Variants in HYDIN observed in about 807,000 individuals in gnomAD.
The protein encoded by HYDIN is axonemal central pair apparatus protein HYDIN.
HYDIN carries 132 observed loss-of-function variants against 403.9 expected under a neutral mutation model. That is an observed-to-expected ratio of 0.33 (90% confidence interval 0.28 to 0.38). HYDIN has a LOEUF of 0.38. Ranked by LOEUF, HYDIN falls within the 10% of genes least tolerant of loss-of-function variation. HYDIN has a pLI of 1.00. For synonymous variants in HYDIN, 1,202 were observed against 1,891.7 expected (o/e 0.64, Z 9.46); for missense variants, 2,827 against 5,009.5 (o/e 0.56, Z 13.15).
At chr16:71,074,792 C>T (rs1395033093) in intron 13 of HYDIN, among the ~76,000 whole-genome samples, 1 of 150,152 alleles carries the variant, frequency 6.7e-6, no homozygotes, top group Admixed American at 6.6e-5. Context: ...TGTGAAAAGT[C>T]TATTTGATGA....
At chr16:71,023,987 A>G (rs966826694) in intron 21 of HYDIN, among the ~76,000 whole-genome samples, 1 of 152,242 alleles carries the variant, frequency 6.6e-6, no homozygotes, top group Non-Finnish European at 1.5e-5. Flanking sequence ...TGGGGCAGTG[A>G]CTTACTTAAT....
chr16:70,939,267 C>G (rs1467198818), intron 43 of HYDIN, among the ~76,000 whole-genome samples: 1 of 152,046 alleles, frequency 6.6e-6, no homozygotes, highest in Non-Finnish European at 1.5e-5. Context: ...AGGAACGTGG[C>G]CCTGCTGAGA....
intron 7 of HYDIN, among the ~76,000 whole-genome samples, chr16:71,149,591 A>G (rs544695808): frequency 2.1e-3 from 315 of 151,996 alleles, no homozygotes; most frequent in African/African-American, 7.3e-3. Flanking sequence ...CAGTAGTGCA[A>G]TCTCTGCTCA....
rs76897529 is a variant in HYDIN, at chr16:70,940,868, G to A, written c.6853+768C>T. On this transcript the variant is annotated intron_variant, in intron 43 of 85. Coordinates refer to ENST00000393567, the MANE Select transcript of HYDIN (RefSeq NM_001270974.2). ...AGTGAGGAAGGGCAGTCGTGTGGCT[G>A]GAGCCGAAGCTCCTGGGAGGTGGGG... Among the ~76,000 whole-genome samples, 6 of 152,236 alleles carry A rather than the reference G, an allele frequency of 3.9e-5. No homozygotes were observed. In the East Asian group the frequency reaches 1.2e-3, roughly 29 times the overall value.
At chr16:70,943,039 G>A (rs1476996834) in intron 42 of HYDIN, among the ~76,000 whole-genome samples, 2 of 152,142 alleles carry the variant, frequency 1.3e-5, no homozygotes, top group Admixed American at 6.5e-5. Context: ...AGTTAATTTT[G>A]TTGTATTTAA....
chr16:70,946,636 G>C (rs1394574296), intron 41 of HYDIN, among the ~76,000 whole-genome samples: 2 of 152,162 alleles, frequency 1.3e-5, no homozygotes, highest in Admixed American at 6.5e-5. Flanking sequence ...TGGGTGCTAG[G>C]TAGTGAGGAT....
At chr16:70,954,853 G>A (rs544633684) in intron 40 of HYDIN, among the ~76,000 whole-genome samples, 1 of 152,282 alleles carries the variant, frequency 6.6e-6, no homozygotes, top group Admixed American at 6.5e-5. Context: ...GGTGAACAAT[G>A]ATTGGCCTCA....
chr16:70,966,695 A>T (rs1798357), intron 36 of HYDIN, among the ~76,000 whole-genome samples: 137,346 of 149,320 alleles, frequency 0.92, 63,358 homozygotes, highest in African/African-American at 0.98. Context: ...AAGCCAAGAA[A>T]ATTGTATCTG....
chr16:70,982,346 C>T (rs929455933), intron 28 of HYDIN, among the ~76,000 whole-genome samples: 1 of 151,198 alleles, frequency 6.6e-6, no homozygotes, highest in South Asian at 2.1e-4. Context: ...ATTACCCTGA[C>T]AAAGGAATAT....
chr16:70,872,817 G>T (rs11075801), intron 64 of HYDIN, among the ~76,000 whole-genome samples: 28,238 of 137,946 alleles, frequency 0.2, 5,506 homozygotes, highest in African/African-American at 0.54. Context: ...CATCCATGCA[G>T]CCATCCATCC....
At chr16:71,085,941 T>C (rs2082919358) in intron 12 of HYDIN, among the ~76,000 whole-genome samples, 1 of 152,020 alleles carries the variant, frequency 6.6e-6, no homozygotes, top group Non-Finnish European at 1.5e-5. Context: ...GGTTGTTTGT[T>C]TTGTTCTAAT....
chr16:71,134,645 A>T (rs1388450967), intron 8 of HYDIN, among the ~76,000 whole-genome samples: 1 of 151,992 alleles, frequency 6.6e-6, no homozygotes, highest in Non-Finnish European at 1.5e-5. Flanking sequence ...AGGGGCCTAC[A>T]CTCACAGAAA....
rs2080765931 is a variant in HYDIN at position 71,027,813 on chromosome 16, A to T, written c.2831T>A (p.Phe944Tyr). 2.2e-6 allele frequency: 2 copies of T among 916,456 alleles called. No individual in the cohort carries two copies. The highest frequency in any genetic ancestry group is 3.3e-6 in the Non-Finnish European group (2 of 602,622). The allele number at this position is 916,456 out of a possible 1,614,324, so 56.8% of individuals were successfully genotyped here. The change falls in exon 20 of 86, where the codon TTC (phenylalanine) becomes TAC (tyrosine). Residue 944 changes from phenylalanine (F) to tyrosine (Y), a missense_variant. Physicochemically the swap from Phe to Tyr is conservative, Grantham distance 22. Coordinates refer to ENST00000393567, the MANE Select transcript of HYDIN (RefSeq NM_001270974.2). Reference protein sequence around the residue: ...INKGRRIQQLFWMNDSFRPQA... With the variant: ...INKGRRIQQLYWMNDSFRPQA... ...GGGTCGGAAGCTATCATTCATCCAG[A>T]ACAACTGTTGGATCCGACGTCCCTT...
chr16:70,889,521 G>C, intron 58 of HYDIN, 66 bp downstream of exon 58: 1 of 395,690 alleles, frequency 2.5e-6, no homozygotes, highest in Non-Finnish European at 4.2e-6. Context: ...GAGGTATTTG[G>C]TGTCAAGAGC....
chr16:70,976,388 G>A (rs2078888793), intron 30 of HYDIN, among the ~76,000 whole-genome samples: 1 of 151,720 alleles, frequency 6.6e-6, no homozygotes, highest in Non-Finnish European at 1.5e-5. Context: ...GGGTTGGAGG[G>A]AGATTTTGTT....
intron 57 of HYDIN, among the ~76,000 whole-genome samples, chr16:70,890,802 T>C (rs895690752): frequency 5.3e-5 from 8 of 152,172 alleles, no homozygotes; most frequent in African/African-American, 1.9e-4. Context: ...TTTGTGACGG[T>C]GTCTTCATGG....
chr16:71,063,708 C>A (rs976220676), intron 16 of HYDIN, among the ~76,000 whole-genome samples: 1 of 152,162 alleles, frequency 6.6e-6, no homozygotes, highest in African/African-American at 2.4e-5. Context: ...TACGTAACAG[C>A]CCCGTGACTT....
intron 45 of HYDIN, among the ~76,000 whole-genome samples, chr16:70,933,270 G>A (rs1210672250): frequency 2.0e-5 from 3 of 152,132 alleles, no homozygotes; most frequent in African/African-American, 7.2e-5. Context: ...GGGTGAAGGT[G>A]CAGAAGTGAC....
chr16:70,948,989 C>T (rs996595824), intron 41 of HYDIN, among the ~76,000 whole-genome samples: 52 of 147,494 alleles, frequency 3.5e-4, no homozygotes, highest in African/African-American at 1.2e-3. Context: ...AATCATGCTG[C>T]TATAAAGACA....
Sources: gnomAD v4.1 joint callset for allele counts (sites outside exome capture counted in the v4.1 genomes callset) on GRCh38, gnomAD v4.1.1 for gene constraint, MANE v1.5 for transcripts, NCBI Gene and HGNC (gene_info 2026-07-23, HGNC 2026-07-21) for gene names.